The following TTC23 variants were observed in gnomAD, a reference collection of about 807,000 sequenced individuals.
TTC23 encodes tetratricopeptide repeat protein 23.
In TTC23, 58 loss-of-function variants were observed where a neutral mutation model predicts 55.1. The ratio of observed to expected loss-of-function variants is 1.05; its 90% confidence interval spans 0.85 to 1.31. The LOEUF (loss-of-function observed/expected upper bound fraction) is 1.31. Among genes scored for constraint, TTC23 ranks in the 50% most tolerant of loss-of-function variants. The probability of loss-of-function intolerance (pLI) is 0.00; values close to 1 mark genes in which losing one functional copy is unlikely to be tolerated. For missense variants in TTC23, 516 were observed against 534.4 expected, an observed-to-expected ratio of 0.97 and a Z score of 0.34; for synonymous variants, 203 against 199.9, an observed-to-expected ratio of 1.02 and a Z score of -0.13.
rs139014130 is a variant in TTC23, at chr15:99,183,346, G to T, written c.760-8191C>A. Among the ~76,000 whole-genome samples the T allele has an allele frequency of 2.9e-3, 430 of 148,810 alleles. 8 individuals carry two copies. Among genetic ancestry groups the T allele is most frequent in the Admixed American group, 0.022 (335 of 14,910 alleles). On this transcript the variant is annotated intron_variant, in intron 9 of 13. Transcript: ENST00000394132. ...TTTTCTTTTTTTTTTTTTTGAGACA[G>T]AGTCTCGCTCTGTCACCCAGGCTGG...
intron 3 of TTC23, among the ~76,000 whole-genome samples, chr15:99,238,446 G>C (rs2665085): frequency 6.6e-6 from 1 of 152,120 alleles, no homozygotes; most frequent in African/African-American, 2.4e-5. Context: ...AGAGTGGCAA[G>C]TGCTAAGACT....
intron 6 of TTC23, among the ~76,000 whole-genome samples, chr15:99,221,340 G>C (rs2077907745): frequency 6.6e-6 from 1 of 152,094 alleles, no homozygotes; most frequent in South Asian, 2.1e-4. Context: ...TGCCAATTTG[G>C]GTTAGTCTTT....
intron 9 of TTC23, among the ~76,000 whole-genome samples, chr15:99,183,886 T>C (rs2074411615): frequency 6.6e-6 from 1 of 152,082 alleles, no homozygotes; most frequent in African/African-American, 2.4e-5. Flanking sequence ...CCCTGAGACC[T>C]AGGAGGAAAA....
Position 99,221,796 on chromosome 15 carries a change from A to G in TTC23, c.249T>C (p.His83=), listed in dbSNP as rs144380401. The G allele has an allele frequency of 2.3e-5, 37 of 1,614,062 alleles. No individual in the cohort carries two copies. In the African/African-American group the frequency reaches 2.7e-4, roughly 12 times the overall value. Residue 83 remains histidine, a synonymous_variant, in exon 6 of 14, where the codon CAT becomes CAC. Coordinates refer to ENST00000394132, the MANE Select transcript of TTC23 (RefSeq NM_001288615.3). ...TAACATGTGCCTCTGCTAGTTTCCA[A>G]TGTGAGTCTCCATAGCAAATTCTTG... The part of the protein sequence containing the change: ...ALTRICYGDS[H]WKLAEAHVNL...
intron 8 of TTC23, among the ~76,000 whole-genome samples, chr15:99,211,417 T>C (rs898661689): frequency 4.0e-5 from 6 of 151,644 alleles, no homozygotes; most frequent in African/African-American, 1.2e-4. Flanking sequence ...GTATATACAA[T>C]TGTCTGATTT....
At chr15:99,205,031 C>T (rs544464762) in intron 8 of TTC23, among the ~76,000 whole-genome samples, 5 of 152,024 alleles carry the variant, frequency 3.3e-5, no homozygotes, top group Non-Finnish European at 7.4e-5. Flanking sequence ...TCCAGTTTTC[C>T]CAGCACCACT....
At chr15:99,200,667 A>G (rs1388829360) in intron 8 of TTC23, among the ~76,000 whole-genome samples, 1 of 152,196 alleles carries the variant, frequency 6.6e-6, no homozygotes, top group African/African-American at 2.4e-5. Flanking sequence ...TCATACACAT[A>G]TATGTACACA....
chr15:99,138,738 T>C (rs1408530120), intron 13 of TTC23, among the ~76,000 whole-genome samples: 1 of 152,202 alleles, frequency 6.6e-6, no homozygotes, highest in Non-Finnish European at 1.5e-5. Flanking sequence ...CCTCCCTGGC[T>C]CGCCTTCCCT....
intron 6 of TTC23, 144 bp downstream of exon 6, chr15:99,221,597 A>T: frequency 9.6e-7 from 1 of 1,042,098 alleles, no homozygotes; most frequent in Non-Finnish European, 1.4e-6. Context: ...TACCTTATCA[A>T]CTCTTTCTAA....
chr15:99,220,956 C>T (rs735823), intron 6 of TTC23, among the ~76,000 whole-genome samples: 58,853 of 151,984 alleles, frequency 0.39, 11,660 homozygotes, highest in Middle Eastern at 0.55. Flanking sequence ...TGAGATGTGG[C>T]GAAGGCCTGC....
Position 99,191,892 on chromosome 15 carries a change from C to T in TTC23, c.759+8027G>A, listed in dbSNP as rs189290451. On this transcript the variant is annotated intron_variant, in intron 9 of 13. Coordinates refer to ENST00000394132, the MANE Select transcript of TTC23 (RefSeq NM_001288615.3). ...CTAGATACTTGTTGAATGGCTTTGA[C>T]CAAAAGCCTGATAGTGATATGGACA... 4.2e-4 allele frequency among the ~76,000 whole-genome samples: 64 copies of T among 152,244 alleles called. No homozygotes were observed. In the Middle Eastern group the frequency reaches 0.014, roughly 32 times the overall value.
intron 12 of TTC23, among the ~76,000 whole-genome samples, chr15:99,146,167 C>T (rs2068836503): frequency 6.6e-6 from 1 of 152,220 alleles, no homozygotes; most frequent in South Asian, 2.1e-4. Flanking sequence ...AAAATAAATG[C>T]ATTGGCAGGA....
At chr15:99,198,680 A>G (rs1765063236) in intron 9 of TTC23, among the ~76,000 whole-genome samples, 1 of 152,178 alleles carries the variant, frequency 6.6e-6, no homozygotes, top group African/African-American at 2.4e-5. Context: ...CTTATCTACA[A>G]ATGGGAAATA....
chr15:99,225,578 T>C (rs2078332533), intron 5 of TTC23, among the ~76,000 whole-genome samples: 1 of 152,200 alleles, frequency 6.6e-6, no homozygotes, highest in Admixed American at 6.5e-5. Flanking sequence ...GTAGTGTATT[T>C]GAAAAATACA....
chr15:99,233,398 C>A (rs757778494), intron 4 of TTC23, among the ~76,000 whole-genome samples: 8 of 152,102 alleles, frequency 5.3e-5, no homozygotes, highest in Non-Finnish European at 7.4e-5. Context: ...ATATTGTGAA[C>A]ACCTTTATAC....
intron 9 of TTC23, among the ~76,000 whole-genome samples, chr15:99,187,120 C>T (rs906416765): frequency 6.6e-6 from 1 of 151,874 alleles, no homozygotes; most frequent in African/African-American, 2.4e-5. Flanking sequence ...ACATACAGAT[C>T]AATGGAACAG....
Position 99,228,706 on chromosome 15 carries a change from C to T in TTC23, c.7G>A (p.Glu3Lys). The T allele has an allele frequency of 6.3e-7, 1 of 1,591,456 alleles. No individual in the cohort carries two copies. The highest frequency in any genetic ancestry group is 8.6e-7 in the Non-Finnish European group (1 of 1,168,296). Residue 3 changes from glutamate to lysine, a missense_variant, in exon 5 of 14, where the codon GAA (glutamate) becomes AAA (lysine). Transcript: ENST00000394132. MQ[E>K]SQETHISNHL... ...TTGGATATGTGGGTTTCCTGTGATT[C>T]TTGCATATTTTTATATACATTGTCT...
intron 10 of TTC23, among the ~76,000 whole-genome samples, chr15:99,170,015 A>G (rs2072698512): frequency 6.6e-6 from 1 of 152,194 alleles, no homozygotes; most frequent in Non-Finnish European, 1.5e-5. Flanking sequence ...GAACCATTTC[A>G]TTTTAATATT....
At chr15:99,240,382 C>T in intron 3 of TTC23, among the ~76,000 whole-genome samples, 1 of 152,056 alleles carries the variant, frequency 6.6e-6, no homozygotes, top group East Asian at 1.9e-4. Flanking sequence ...GCTCATCTAA[C>T]TTGTATATAT....
Sources: allele counts gnomAD v4.1 joint callset (sites outside exome capture counted in the v4.1 genomes callset), GRCh38; gene constraint gnomAD v4.1.1; transcripts MANE v1.5; gene names NCBI Gene and HGNC (gene_info 2026-07-23, HGNC 2026-07-21).